C12orf42: variants seen among roughly 807,000 people sequenced by gnomAD.
C12orf42 encodes the protein chromosome 12 open reading frame 42.
In C12orf42, 25 loss-of-function variants were observed where a neutral mutation model predicts 21.6. The observed-to-expected ratio is 1.16, with a 90% confidence interval of 0.84 to 1.62. C12orf42 has a LOEUF of 1.62. Among genes scored for constraint, C12orf42 ranks in the 40% most tolerant of loss-of-function variants. The probability of loss-of-function intolerance (pLI) is 0.00; values close to 1 mark genes in which losing one functional copy is unlikely to be tolerated. For synonymous variants in C12orf42, 174 were observed against 175.0 expected (o/e 0.99, Z 0.05); for missense variants, 483 against 459.3 (o/e 1.05, Z -0.47).
At chr12:103,421,435 G>T (rs566494581) in intron 2 of C12orf42, among the ~76,000 whole-genome samples, 2 of 151,948 alleles carry the variant, frequency 1.3e-5, no homozygotes, top group Non-Finnish European at 2.9e-5. Context: ...TTACCTGAGT[G>T]TGGTGGTGTG....
At chr12:103,144,863 C>T in the C12orf42 span, among the ~76,000 whole-genome samples, 1 of 152,094 alleles carries the variant, frequency 6.6e-6, no homozygotes, top group Non-Finnish European at 1.5e-5. Context: ...GAGCAAAAAC[C>T]ATGGAAACTC....
intron 10 of C12orf42, among the ~76,000 whole-genome samples, chr12:103,255,101 G>C (rs1052674973): frequency 1.3e-5 from 2 of 152,104 alleles, no homozygotes; most frequent in Non-Finnish European, 2.9e-5. Flanking sequence ...GGCCGGGCAT[G>C]ATGGCTCACA....
the C12orf42 span, among the ~76,000 whole-genome samples, chr12:103,529,982 G>A: frequency 6.6e-6 from 1 of 152,016 alleles, no homozygotes; most frequent in East Asian, 1.9e-4. Flanking sequence ...TTTCTTAATC[G>A]CCCTGTCTTC....
chr12:103,501,048 A>T, the C12orf42 span, among the ~76,000 whole-genome samples: 363 of 152,342 alleles, frequency 2.4e-3, 1 homozygote, highest in African/African-American at 8.4e-3. Flanking sequence ...GTGATCCAAG[A>T]TGTGGCTGTG....
intron 4 of C12orf42, among the ~76,000 whole-genome samples, chr12:103,306,891 C>A (rs2038398173): frequency 7.8e-6 from 1 of 128,070 alleles, no homozygotes; most frequent in Non-Finnish European, 1.6e-5. Context: ...CTGAGACACA[C>A]AAGAGAATGC....
At chr12:103,529,319 G>C in the C12orf42 span, among the ~76,000 whole-genome samples, 1 of 152,212 alleles carries the variant, frequency 6.6e-6, no homozygotes, top group African/African-American at 2.4e-5. Context: ...AAATAAGCAA[G>C]GATATAACTC....
At chr12:103,058,445 G>A in the C12orf42 span, among the ~76,000 whole-genome samples, 1 of 152,134 alleles carries the variant, frequency 6.6e-6, no homozygotes, top group African/African-American at 2.4e-5. Context: ...TCTGATGCAA[G>A]GATATTCAGG....
chr12:103,339,179 A>C (rs2041965670), intron 4 of C12orf42, among the ~76,000 whole-genome samples: 1 of 152,254 alleles, frequency 6.6e-6, no homozygotes, highest in Non-Finnish European at 1.5e-5. Flanking sequence ...ATTAAGAAAC[A>C]TATATTATTA....
the C12orf42 span, among the ~76,000 whole-genome samples, chr12:103,102,494 A>G: frequency 1.3e-4 from 20 of 152,162 alleles, no homozygotes; most frequent in Non-Finnish European, 1.9e-4. Context: ...AAGGGAGAGA[A>G]TGCAGTCATG....
the C12orf42 span, among the ~76,000 whole-genome samples, chr12:103,547,012 C>T: frequency 3.9e-5 from 6 of 152,222 alleles, no homozygotes; most frequent in African/African-American, 1.4e-4. Flanking sequence ...GGCATAAAAA[C>T]ACTCAGACTT....
intron 3 of C12orf42, 105 bp downstream of exon 3, chr12:103,401,502 T>C: frequency 1.1e-6 from 1 of 919,948 alleles, no homozygotes; most frequent in Non-Finnish European, 1.7e-6. Flanking sequence ...TTACTAGCTA[T>C]AAAGTCAAAA....
At chr12:103,373,583 C>T (rs1000417469) in intron 3 of C12orf42, among the ~76,000 whole-genome samples, 1 of 152,152 alleles carries the variant, frequency 6.6e-6, no homozygotes, top group African/African-American at 2.4e-5. Context: ...CTTTAGGACA[C>T]CTAGCAGCAA....
intron 4 of C12orf42, among the ~76,000 whole-genome samples, chr12:103,340,011 A>G: frequency 6.6e-6 from 1 of 152,256 alleles, no homozygotes; most frequent in Non-Finnish European, 1.5e-5. Context: ...AAGATGGGAG[A>G]AAACAAGGTA....
chr12:103,139,908 C>T, the C12orf42 span, among the ~76,000 whole-genome samples: 1 of 152,274 alleles, frequency 6.6e-6, no homozygotes, highest in South Asian at 2.1e-4. Flanking sequence ...TCTTCTTTGT[C>T]CATTTATGTA....
intron 10 of C12orf42, among the ~76,000 whole-genome samples, chr12:103,238,586 A>C (rs2033570021): frequency 6.6e-6 from 1 of 152,190 alleles, no homozygotes; most frequent in Non-Finnish European, 1.5e-5. Flanking sequence ...TGAAAGGATA[A>C]ACTCCAGCTG....
At chr12:103,190,156 T>G in the C12orf42 span, among the ~76,000 whole-genome samples, 1 of 152,130 alleles carries the variant, frequency 6.6e-6, no homozygotes, top group Non-Finnish European at 1.5e-5. Flanking sequence ...AGTGCAGACC[T>G]CAGTCTGAGG....
At chr12:103,430,473 G>A (rs1166097867) in intron 2 of C12orf42, among the ~76,000 whole-genome samples, 1 of 152,188 alleles carries the variant, frequency 6.6e-6, no homozygotes, top group Admixed American at 6.5e-5. Flanking sequence ...ACAGACACTG[G>A]AGAGAATGTA....
intron 2 of C12orf42, among the ~76,000 whole-genome samples, chr12:103,431,703 C>T (rs563938725): frequency 6.6e-6 from 1 of 152,308 alleles, no homozygotes; most frequent in African/African-American, 2.4e-5. Flanking sequence ...GTCATTCACA[C>T]AAGCTTTTAA....
At chr12:103,287,670 C>T (rs149737640) in intron 4 of C12orf42, among the ~76,000 whole-genome samples, 6 of 150,370 alleles carry the variant, frequency 4.0e-5, no homozygotes, top group Non-Finnish European at 3.0e-5. Flanking sequence ...CAAAACTGCA[C>T]GTTGTGCACA....
Sources: gnomAD v4.1 joint callset for allele counts (sites outside exome capture counted in the v4.1 genomes callset) on GRCh38, gnomAD v4.1.1 for gene constraint, MANE v1.5 for transcripts, NCBI Gene and HGNC (gene_info 2026-07-23, HGNC 2026-07-21) for gene names.